MGAT4C: variants seen among roughly 807,000 people sequenced by gnomAD.
MGAT4C encodes MGAT4 family member C.
In MGAT4C, 19 loss-of-function variants were observed where a neutral mutation model predicts 40.1. The ratio of observed to expected loss-of-function variants is 0.47; its 90% CI spans 0.33 to 0.70. The LOEUF is 0.70. Among genes scored for constraint, MGAT4C ranks in the 30% least tolerant of loss-of-function variants. MGAT4C has a pLI of 0.02. For missense variants in MGAT4C, 491 were observed against 563.2 expected (o/e 0.87, Z 1.30); for synonymous variants, 181 against 187.1 (o/e 0.97, Z 0.27).
At chr12:86,043,940 G>T (rs1042870263) in intron 2 of MGAT4C, among the ~76,000 whole-genome samples, 1 of 152,150 alleles carries the variant, frequency 6.6e-6, no homozygotes, top group Admixed American at 6.5e-5. Context: ...TGAGGTGAGA[G>T]GACACTTTAG....
rs370163836 is a variant in MGAT4C at position 86,552,834 on chromosome 12, G to C, written c.-228-117569C>G. Among the ~76,000 whole-genome samples, 31 of 152,100 alleles carry C rather than the reference G, an allele frequency of 2.0e-4. 1 individual carries two copies. In the South Asian group the frequency reaches 6.0e-3, roughly 30 times the overall value. On this transcript the variant is annotated intron_variant, in intron 2 of 7. Coordinates refer to the MGAT4C transcript ENST00000548651. Reference sequence around the variant, plus strand: ...CATAACTATATCTCTCAATTTTAATGACTTGCATCAAAAATATGTTTTAGG... The same window carrying C: ...CATAACTATATCTCTCAATTTTAATCACTTGCATCAAAAATATGTTTTAGG...
At chr12:86,409,379 C>T (rs1956557514) in intron 3 of MGAT4C, among the ~76,000 whole-genome samples, 1 of 152,082 alleles carries the variant, frequency 6.6e-6, no homozygotes, top group African/African-American at 2.4e-5. Context: ...TGAAAGTTTT[C>T]AGATTCAAAA....
intron 2 of MGAT4C, among the ~76,000 whole-genome samples, chr12:86,709,515 A>AT (rs1017359421): frequency 2.8e-4 from 43 of 151,870 alleles, no homozygotes; most frequent in African/African-American, 8.0e-4. Context: ...CCTAAGAAAC[A>AT]TTTTTTTTAC....
At chr12:86,451,536 T>C (rs1051849870) in intron 2 of MGAT4C, among the ~76,000 whole-genome samples, 1 of 152,172 alleles carries the variant, frequency 6.6e-6, no homozygotes, top group Non-Finnish European at 1.5e-5. Context: ...ATGGCTAGAT[T>C]TTCTTTGTAC....
chr12:86,575,777 C>T (rs1960535635), intron 2 of MGAT4C, among the ~76,000 whole-genome samples: 1 of 151,724 alleles, frequency 6.6e-6, no homozygotes. Flanking sequence ...AATTGAGGAA[C>T]CTCTCAACTA....
intron 1 of MGAT4C, among the ~76,000 whole-genome samples, chr12:86,750,378 C>T (rs184230317): frequency 7.2e-5 from 11 of 151,940 alleles, no homozygotes; most frequent in African/African-American, 1.2e-4. Context: ...TCATTAGTCA[C>T]GGGCTATACT....
intron 1 of MGAT4C, among the ~76,000 whole-genome samples, chr12:86,185,928 GA>G (rs200990406): frequency 2.0e-5 from 3 of 149,788 alleles, no homozygotes; most frequent in East Asian, 2.0e-4. Flanking sequence ...CCCCACCCCA[GA>G]AAAAAAAATG....
chr12:86,291,907 G>A (rs1424479657), intron 4 of MGAT4C, among the ~76,000 whole-genome samples: 3 of 152,166 alleles, frequency 2.0e-5, no homozygotes, highest in Non-Finnish European at 2.9e-5. Context: ...CTATAACAAA[G>A]ACACTGCTCT....
chr12:86,277,341 C>A (rs1953101458), intron 4 of MGAT4C, among the ~76,000 whole-genome samples: 1 of 152,184 alleles, frequency 6.6e-6, no homozygotes, highest in South Asian at 2.1e-4. Flanking sequence ...ATTCATTGGG[C>A]TGTCTCCTCA....
intron 3 of MGAT4C, among the ~76,000 whole-genome samples, chr12:86,353,370 G>A (rs1955222434): frequency 6.6e-6 from 1 of 152,134 alleles, no homozygotes; most frequent in Admixed American, 6.6e-5. Flanking sequence ...CAAGTTTGCT[G>A]AGGAGAGAAA....
At chr12:86,496,292 A>C (rs1958232933) in intron 2 of MGAT4C, among the ~76,000 whole-genome samples, 1 of 151,552 alleles carries the variant, frequency 6.6e-6, no homozygotes, top group Non-Finnish European at 1.5e-5. Context: ...CAGATATTTA[A>C]GCCTATTTGT....
At chr12:86,616,515 T>C (rs1220563213) in intron 2 of MGAT4C, among the ~76,000 whole-genome samples, 3 of 152,202 alleles carry the variant, frequency 2.0e-5, no homozygotes, top group East Asian at 3.9e-4. Flanking sequence ...ACAAGTGTAG[T>C]TCATGTAAGA....
chr12:86,549,435 A>G (rs1410942054), intron 2 of MGAT4C, among the ~76,000 whole-genome samples: 1 of 152,176 alleles, frequency 6.6e-6, no homozygotes, highest in Non-Finnish European at 1.5e-5. Context: ...ATTGCTTGTT[A>G]TACCTATTGA....
At chr12:86,414,393 T>C (rs1956665048) in intron 3 of MGAT4C, among the ~76,000 whole-genome samples, 1 of 152,178 alleles carries the variant, frequency 6.6e-6, no homozygotes, top group South Asian at 2.1e-4. Flanking sequence ...TTTACAATAT[T>C]ATGTGTGATC....
intron 1 of MGAT4C, among the ~76,000 whole-genome samples, chr12:86,740,225 G>T (rs1951047462): frequency 6.6e-6 from 1 of 151,158 alleles, no homozygotes; most frequent in Non-Finnish European, 1.5e-5. Context: ...TATGAGAAAT[G>T]TGGAGTTTTA....
chr12:86,769,003 A>T (rs1297453090), intron 1 of MGAT4C, among the ~76,000 whole-genome samples: 1 of 151,366 alleles, frequency 6.6e-6, no homozygotes, highest in Non-Finnish European at 1.5e-5. Flanking sequence ...GCAACAAAAG[A>T]CAAAATTGAC....
chr12:86,204,234 G>C (rs531246345), intron 1 of MGAT4C, among the ~76,000 whole-genome samples: 1 of 151,642 alleles, frequency 6.6e-6, no homozygotes, highest in Non-Finnish European at 1.5e-5. Flanking sequence ...AATTTTTCTT[G>C]ATGAAATTGT....
In MGAT4C at chr12:86,295,334, T is replaced by C. The variant is rs1953636911; in HGVS notation, c.-57+38731A>G. Reference sequence around the variant, plus strand: ...TAATGTGCCTGGAATTGGTGGTTTGTTGGTCTCACTGACTTCAAGAAAGAA... The same window carrying C: ...TAATGTGCCTGGAATTGGTGGTTTGCTGGTCTCACTGACTTCAAGAAAGAA... On this transcript the variant is annotated intron_variant, in intron 4 of 7. Coordinates refer to the MGAT4C transcript ENST00000548651. Among the ~76,000 whole-genome samples, 3 of 152,336 alleles carry C rather than the reference T, an allele frequency of 2.0e-5. No homozygotes were observed. In the South Asian group the frequency reaches 6.2e-4, roughly 32 times the overall value.
intron 1 of MGAT4C, among the ~76,000 whole-genome samples, chr12:86,180,122 A>G (rs554197670): frequency 2.0e-5 from 3 of 152,198 alleles, no homozygotes; most frequent in South Asian, 2.1e-4. Context: ...AAAGGGGCCA[A>G]TGTAGAGCTT....
Sources: allele counts gnomAD v4.1 joint callset (sites outside exome capture counted in the v4.1 genomes callset), GRCh38; gene constraint gnomAD v4.1.1; transcripts MANE v1.5; gene names NCBI Gene and HGNC (gene_info 2026-07-23, HGNC 2026-07-21).